The following SGCZ variants were observed in gnomAD, a reference collection of about 807,000 sequenced individuals.
SGCZ encodes the protein sarcoglycan zeta, also known as zeta-sarcoglycan.
SGCZ carries 40 observed loss-of-function variants against 41.3 expected under a neutral mutation model. The observed-to-expected ratio is 0.97, with a 90% CI of 0.75 to 1.26. SGCZ has a LOEUF of 1.26. SGCZ is among the 50% of genes most tolerant of loss of function. The pLI is 0.00. For synonymous variants in SGCZ, 206 were observed against 137.5 expected (o/e 1.50, Z -3.49); for missense variants, 552 against 369.8 (o/e 1.49, Z -4.04).
intron 1 of SGCZ, among the ~76,000 whole-genome samples, chr8:14,701,052 T>C (rs17340230): frequency 0.048 from 7,335 of 151,946 alleles, 590 homozygotes; most frequent in African/African-American, 0.17. Flanking sequence ...AAAGTTTTAG[T>C]GAAAGAAAGT....
intron 1 of SGCZ, among the ~76,000 whole-genome samples, chr8:15,097,120 G>A (rs978375309): frequency 1.3e-5 from 2 of 152,088 alleles, no homozygotes; most frequent in Admixed American, 1.3e-4. Flanking sequence ...TCCATAAACT[G>A]TAAACATCTT....
In SGCZ at chr8:14,883,631, G is replaced by C. The variant is rs542514256; in HGVS notation, c.40-328705C>G. Among the ~76,000 whole-genome samples, 31 of 151,996 alleles carry C rather than the reference G, an allele frequency of 2.0e-4. 3 individuals are homozygous for C. Among genetic ancestry groups the C allele is most frequent in the Admixed American group, 1.6e-3 (24 of 15,256 alleles). ...CGGGTCTAGTTATTAATATATGTTTGGTTATTAGTTTCATAGCCTTGTGTC... is the reference window on the plus strand; with the variant it reads ...CGGGTCTAGTTATTAATATATGTTTCGTTATTAGTTTCATAGCCTTGTGTC... On this transcript the variant is annotated intron_variant, in intron 1 of 7. Transcript: ENST00000382080.
At chr8:14,843,386 C>A (rs759872518) in intron 1 of SGCZ, among the ~76,000 whole-genome samples, 16 of 152,092 alleles carry the variant, frequency 1.1e-4, no homozygotes, top group Non-Finnish European at 2.1e-4. Context: ...GAAATCAACA[C>A]AGGCCAATTA....
At chr8:15,104,710 CA>C (rs1806753358) in intron 1 of SGCZ, among the ~76,000 whole-genome samples, 1 of 151,894 alleles carries the variant, frequency 6.6e-6, no homozygotes, top group Non-Finnish European at 1.5e-5. Context: ...TATTTGAGCA[CA>C]TATAGCTTCC....
At chr8:14,197,221 G>C (rs1186443965) in intron 4 of SGCZ, among the ~76,000 whole-genome samples, 1 of 151,996 alleles carries the variant, frequency 6.6e-6, no homozygotes, top group African/African-American at 2.4e-5. Context: ...AAATATTTAA[G>C]CAAAAAATAA....
At chr8:14,513,485 C>G (rs1264414822) in intron 2 of SGCZ, among the ~76,000 whole-genome samples, 1 of 96,696 alleles carries the variant, frequency 1.0e-5, no homozygotes, top group East Asian at 2.1e-4. Context: ...TTATTTTAGA[C>G]CAATTGATTC....
intron 5 of SGCZ, among the ~76,000 whole-genome samples, chr8:14,138,802 G>T (rs1803280158): frequency 6.6e-6 from 1 of 152,102 alleles, no homozygotes; most frequent in African/African-American, 2.4e-5. Context: ...AGTTAACAAG[G>T]ATATCCCGGA....
intron 1 of SGCZ, among the ~76,000 whole-genome samples, chr8:14,760,824 A>G (rs1191494239): frequency 6.6e-6 from 1 of 152,194 alleles, no homozygotes; most frequent in Non-Finnish European, 1.5e-5. Context: ...TTTGTTGTTC[A>G]TTTGAAATTC....
chr8:14,202,832 T>C (rs1805498245), intron 4 of SGCZ, among the ~76,000 whole-genome samples: 3 of 152,166 alleles, frequency 2.0e-5, no homozygotes, highest in Admixed American at 2.0e-4. Flanking sequence ...TATTTGTAGA[T>C]GATATGGATA....
chr8:14,239,184 T>C (rs1161038130), intron 3 of SGCZ, among the ~76,000 whole-genome samples: 1 of 152,004 alleles, frequency 6.6e-6, no homozygotes, highest in Non-Finnish European at 1.5e-5. Flanking sequence ...CAAACAGCTA[T>C]CTTATACCCA....
intron 1 of SGCZ, among the ~76,000 whole-genome samples, chr8:15,085,160 G>T (rs1234641798): frequency 6.6e-6 from 1 of 152,144 alleles, no homozygotes; most frequent in African/African-American, 2.4e-5. Flanking sequence ...CAGCCAATAG[G>T]AGGTGCAGCT....
intron 1 of SGCZ, among the ~76,000 whole-genome samples, chr8:14,816,642 G>C (rs1303859161): frequency 6.8e-6 from 1 of 147,068 alleles, no homozygotes; most frequent in African/African-American, 2.6e-5. Flanking sequence ...GTTGGACTCT[G>C]AGGTGAATAT....
rs1410118060 is a variant in SGCZ at position 14,171,548 on chromosome 8, C to A, written c.425-6846G>T. On this transcript the variant is annotated intron_variant, in intron 4 of 7. Coordinates refer to ENST00000382080, the MANE Select transcript of SGCZ (RefSeq NM_139167.4). ...ATTTTTTCTCTATTTTAAAAATATT[C>A]TATTTTGAATATTTATCACTTAAAT... 5.3e-5 allele frequency among the ~76,000 whole-genome samples: 8 copies of A among 151,956 alleles called. No individual in the cohort carries two copies. The East Asian group carries it at 1.5e-3, about 29-fold the overall frequency.
At chr8:14,613,065 G>C (rs926579108) in intron 1 of SGCZ, among the ~76,000 whole-genome samples, 1 of 152,182 alleles carries the variant, frequency 6.6e-6, no homozygotes, top group African/African-American at 2.4e-5. Context: ...GAGAGCACAA[G>C]AGGGAGGCTG....
At chr8:15,012,049 A>G (rs1414313628) in intron 1 of SGCZ, among the ~76,000 whole-genome samples, 4 of 152,192 alleles carry the variant, frequency 2.6e-5, no homozygotes, top group Non-Finnish European at 5.9e-5. Context: ...TAACTACTCA[A>G]TCGCATTATT....
At chr8:14,606,666 T>C (rs981763263) in intron 1 of SGCZ, among the ~76,000 whole-genome samples, 2 of 152,198 alleles carry the variant, frequency 1.3e-5, no homozygotes. Flanking sequence ...TAGACTAACA[T>C]TCTGAAATGA....
chr8:14,325,245 G>A (rs922590126), intron 2 of SGCZ, among the ~76,000 whole-genome samples: 22 of 152,016 alleles, frequency 1.4e-4, no homozygotes, highest in African/African-American at 5.1e-4. Flanking sequence ...GTAGTAGTTT[G>A]AGGAATATGG....
intron 5 of SGCZ, among the ~76,000 whole-genome samples, chr8:14,151,494 T>C (rs554652344): frequency 2.6e-5 from 4 of 152,184 alleles, no homozygotes; most frequent in South Asian, 2.1e-4. Context: ...GGATTCAATA[T>C]AGTAAAAATG....
intron 4 of SGCZ, among the ~76,000 whole-genome samples, chr8:14,182,523 C>T (rs1448316722): frequency 6.6e-6 from 1 of 152,098 alleles, no homozygotes; most frequent in African/African-American, 2.4e-5. Flanking sequence ...CTGGACTTGT[C>T]CAACTCATTC....
Sources: allele counts gnomAD v4.1 joint callset (sites outside exome capture counted in the v4.1 genomes callset), GRCh38; gene constraint gnomAD v4.1.1; transcripts MANE v1.5; gene names NCBI Gene and HGNC (gene_info 2026-07-23, HGNC 2026-07-21).